The following DPP10 variants were observed in gnomAD, a reference collection of about 807,000 sequenced individuals.
DPP10 encodes dipeptidyl peptidase like 10.
A neutral mutation model predicts 120.9 loss-of-function variants in DPP10; 33 were observed. The ratio of observed to expected loss-of-function variants is 0.27; its 90% CI spans 0.21 to 0.37. The LOEUF (loss-of-function observed/expected upper bound fraction) is 0.37, where lower values mean the gene tolerates loss of function less well. Among genes scored for constraint, DPP10 ranks in the 10% least tolerant of loss-of-function variants. The pLI, the probability that DPP10 is intolerant of heterozygous loss-of-function variation, is 1.00. For missense variants in DPP10, 816 were observed against 942.8 expected (o/e 0.87, Z 1.76); for synonymous variants, 337 against 326.1 (o/e 1.03, Z -0.36).
intron 1 of DPP10, among the ~76,000 whole-genome samples, chr2:114,638,608 T>G (rs941063517): frequency 6.6e-6 from 1 of 151,796 alleles, no homozygotes; most frequent in African/African-American, 2.4e-5. Context: ...TGACTTTTAT[T>G]AAAAAGCCAA....
intron 3 of DPP10, among the ~76,000 whole-genome samples, chr2:115,408,305 C>T (rs918928707): frequency 6.6e-6 from 1 of 152,104 alleles, no homozygotes; most frequent in African/African-American, 2.4e-5. Context: ...ACCCCAATCT[C>T]CCAGTGCGCA....
intron 5 of DPP10, among the ~76,000 whole-genome samples, chr2:115,662,427 GT>G (rs1191662782): frequency 8.0e-6 from 1 of 125,024 alleles, no homozygotes; most frequent in Non-Finnish European, 1.6e-5. Flanking sequence ...TTTTATTTTT[GT>G]TTTTTATTTT....
intron 1 of DPP10, among the ~76,000 whole-genome samples, chr2:114,478,684 G>A (rs533716958): frequency 5.3e-5 from 8 of 152,074 alleles, no homozygotes; most frequent in African/African-American, 1.9e-4. Flanking sequence ...AAAATCTGGA[G>A]AGATCTACAA....
chr2:115,470,485 G>A (rs2074636342), intron 3 of DPP10, among the ~76,000 whole-genome samples: 2 of 152,114 alleles, frequency 1.3e-5, no homozygotes, highest in African/African-American at 4.8e-5. Flanking sequence ...GCATAAACAT[G>A]CCTCTCTCAT....
intron 3 of DPP10, among the ~76,000 whole-genome samples, chr2:115,489,700 A>G (rs1213235231): frequency 2.0e-5 from 3 of 151,692 alleles, no homozygotes; most frequent in Admixed American, 2.0e-4. Flanking sequence ...AAACAAACAT[A>G]TTTTACCCCA....
chr2:114,598,365 G>A (rs969554863), intron 1 of DPP10, among the ~76,000 whole-genome samples: 1 of 151,850 alleles, frequency 6.6e-6, no homozygotes, highest in Non-Finnish European at 1.5e-5. Flanking sequence ...TTTAGGTTGG[G>A]AAAGAGGATG....
At chr2:115,289,520 A>AAAAGAAAAGAAAAGG (rs2060566970) in intron 1 of DPP10, among the ~76,000 whole-genome samples, 1 of 148,010 alleles carries the variant, frequency 6.8e-6, no homozygotes, top group African/African-American at 2.5e-5. Context: ...AAAAGAAAAG[A>AAAAGAAAAGAAAAGG]AAAAAGAGCC....
chr2:114,751,897 G>A (rs865948929), intron 1 of DPP10, among the ~76,000 whole-genome samples: 5 of 152,158 alleles, frequency 3.3e-5, no homozygotes, highest in East Asian at 1.9e-4. Flanking sequence ...CCAGTCGCCC[G>A]GGATTTTATT....
intron 1 of DPP10, among the ~76,000 whole-genome samples, chr2:114,661,465 C>T (rs527682868): frequency 6.6e-6 from 1 of 152,244 alleles, no homozygotes; most frequent in African/African-American, 2.4e-5. Flanking sequence ...GTAATGTAAT[C>T]GTAGTGGGAT....
intron 3 of DPP10, among the ~76,000 whole-genome samples, chr2:115,417,665 C>A (rs892272714): frequency 1.3e-5 from 2 of 152,078 alleles, no homozygotes; most frequent in African/African-American, 4.8e-5. Flanking sequence ...AGTGTCAAAG[C>A]CTAGATCAAT....
intron 1 of DPP10, among the ~76,000 whole-genome samples, chr2:114,723,113 T>C (rs1177301894): frequency 6.6e-6 from 1 of 152,092 alleles, no homozygotes; most frequent in Non-Finnish European, 1.5e-5. Flanking sequence ...GTCCAACTAG[T>C]TTAGTATTAG....
intron 1 of DPP10, among the ~76,000 whole-genome samples, chr2:114,710,703 A>T (rs1437196493): frequency 6.6e-6 from 1 of 152,104 alleles, no homozygotes; most frequent in Non-Finnish European, 1.5e-5. Context: ...TGAGATCATG[A>T]CACTGCACTC....
chr2:115,529,423 C>A (rs899506025), intron 5 of DPP10, among the ~76,000 whole-genome samples: 6 of 150,960 alleles, frequency 4.0e-5, no homozygotes, highest in Non-Finnish European at 8.8e-5. Flanking sequence ...CCCGCTTCAG[C>A]CTTGCAAGTG....
chr2:114,645,849 C>T (rs765515370), intron 1 of DPP10, among the ~76,000 whole-genome samples: 1 of 152,114 alleles, frequency 6.6e-6, no homozygotes, highest in African/African-American at 2.4e-5. Context: ...AATGAACCTC[C>T]AGGCCTTCTT....
intron 3 of DPP10, among the ~76,000 whole-genome samples, chr2:115,477,764 G>A (rs1460154222): frequency 2.0e-5 from 3 of 152,124 alleles, no homozygotes; most frequent in African/African-American, 7.2e-5. Context: ...CAAAGCCACA[G>A]TAATCAAAAC....
intron 3 of DPP10, among the ~76,000 whole-genome samples, chr2:115,379,350 G>T (rs1480790234): frequency 6.6e-6 from 1 of 152,244 alleles, no homozygotes; most frequent in Admixed American, 6.5e-5. Context: ...AGAGTTGTTT[G>T]TAGTATTCTC....
chr2:114,762,086 C>T (rs763113365), intron 1 of DPP10, among the ~76,000 whole-genome samples: 9 of 152,182 alleles, frequency 5.9e-5, no homozygotes, highest in African/African-American at 1.4e-4. Context: ...GCAGATGCTA[C>T]GCCTCTGAGT....
intron 12 of DPP10, among the ~76,000 whole-genome samples, chr2:115,764,795 C>T (rs1383137672): frequency 6.6e-6 from 1 of 151,744 alleles, no homozygotes; most frequent in Non-Finnish European, 1.5e-5. Flanking sequence ...TTATGAAATA[C>T]TTAGAGTTAT....
chr2:114,470,168 C>T (rs530201759), intron 1 of DPP10, among the ~76,000 whole-genome samples: 29 of 152,252 alleles, frequency 1.9e-4, no homozygotes, highest in South Asian at 1.0e-3. Context: ...AGCACAGAAC[C>T]GTCAAAACCA....
Sources: allele counts gnomAD v4.1 joint callset (sites outside exome capture counted in the v4.1 genomes callset), GRCh38; gene constraint gnomAD v4.1.1; transcripts MANE v1.5; gene names NCBI Gene and HGNC (gene_info 2026-07-23, HGNC 2026-07-21).